DGKB: variants seen among roughly 807,000 people sequenced by gnomAD.
The protein encoded by DGKB is 90 kDa diacylglycerol kinase.
DGKB carries 67 observed loss-of-function variants against 114.3 expected under a neutral mutation model. That is an observed-to-expected ratio of 0.59 (90% CI 0.48 to 0.72). The LOEUF is 0.72. Among genes scored for constraint, DGKB ranks in the 30% least tolerant of loss-of-function variants. The pLI, the probability that DGKB is intolerant of heterozygous loss-of-function variation, is 0.00. For synonymous variants in DGKB, 398 were observed against 323.1 expected, an observed-to-expected ratio of 1.23 and a Z score of -2.49; for missense variants, 907 against 975.2, an observed-to-expected ratio of 0.93 and a Z score of 0.93.
At chr7:14,641,416 T>G (rs912175213) in intron 13 of DGKB, among the ~76,000 whole-genome samples, 1 of 152,122 alleles carries the variant, frequency 6.6e-6, no homozygotes, top group Admixed American at 6.5e-5. Context: ...TAACTTGATT[T>G]GTAAGTTTTG....
At chr7:14,948,548 G>C (rs898686234) in intron 1 of DGKB, among the ~76,000 whole-genome samples, 1 of 151,864 alleles carries the variant, frequency 6.6e-6, no homozygotes, top group African/African-American at 2.4e-5. Context: ...AGATCTTCCA[G>C]GAATGTGAAG....
At chr7:14,511,951 T>C (rs1356899968) in intron 20 of DGKB, among the ~76,000 whole-genome samples, 1 of 152,168 alleles carries the variant, frequency 6.6e-6, no homozygotes, top group Non-Finnish European at 1.5e-5. Context: ...TGGGTGCATT[T>C]GTGGTATTCC....
chr7:14,911,324 T>C (rs1421940390), intron 1 of DGKB, among the ~76,000 whole-genome samples: 1 of 152,160 alleles, frequency 6.6e-6, no homozygotes, highest in Non-Finnish European at 1.5e-5. Flanking sequence ...AAATAATTGA[T>C]CTTAAGTTAT....
intron 21 of DGKB, among the ~76,000 whole-genome samples, chr7:14,430,387 T>A (rs745340661): frequency 6.6e-6 from 1 of 152,200 alleles, no homozygotes; most frequent in South Asian, 2.1e-4. Context: ...TGTTGAGATA[T>A]AAGTCACAAT....
chr7:14,669,638 T>C (rs1253640899), intron 13 of DGKB, among the ~76,000 whole-genome samples: 1 of 152,186 alleles, frequency 6.6e-6, no homozygotes, highest in African/African-American at 2.4e-5. Flanking sequence ...AGGCATATGA[T>C]TACTGTACAA....
At chr7:14,636,087 C>A (rs1810703146) in intron 13 of DGKB, among the ~76,000 whole-genome samples, 1 of 151,664 alleles carries the variant, frequency 6.6e-6, no homozygotes, top group Non-Finnish European at 1.5e-5. Flanking sequence ...ATCCATTGAT[C>A]TCATGCCAAA....
rs1798807367 is a variant in DGKB at position 14,574,337 on chromosome 7, C to G, written c.1645G>C (p.Asp549His). ...ATGATTTCTGTGCTGTTTTCAATGTCTTTTAGAATTTTCATCAGATTCTCA... is the reference window on the plus strand; with the variant it reads ...ATGATTTCTGTGCTGTTTTCAATGTGTTTTAGAATTTTCATCAGATTCTCA... ...EGENLMKILK[D>H]IENSTEIMLD... The change falls in exon 20 of 26, where the codon GAC (aspartate) becomes CAC (histidine). Residue 549 changes from aspartate (D) to histidine (H), a missense_variant. Physicochemically the swap from Asp to His is moderately conservative, Grantham distance 81. This residue lies in a region of DGKB where 814 missense variants were observed against 856.6 expected (regional missense o/e 0.95). Transcript: ENST00000402815. 1 of 1,612,438 alleles carries G rather than the reference C, an allele frequency of 6.2e-7. No individual in the cohort carries two copies. The highest frequency in any genetic ancestry group is 8.5e-7 in the Non-Finnish European group (1 of 1,179,370).
chr7:14,231,919 T>C (rs926769276), intron 23 of DGKB, among the ~76,000 whole-genome samples: 6 of 152,042 alleles, frequency 3.9e-5, no homozygotes. Flanking sequence ...GTCTTCTATG[T>C]AATGTTTAAC....
chr7:14,858,250 C>T (rs550877846), intron 1 of DGKB, among the ~76,000 whole-genome samples: 10 of 152,276 alleles, frequency 6.6e-5, no homozygotes, highest in South Asian at 6.2e-4. Context: ...AGTATTTCAA[C>T]GTATTTATGT....
chr7:14,149,031 T>G lies in DGKB; in HGVS notation c.*100A>C, dbSNP rs536188663. The G allele has an allele frequency of 9.3e-4, 955 of 1,024,970 alleles. 4 individuals carry two copies. The Middle Eastern group carries it at 0.018, about 20-fold the overall frequency. The allele number at this position is 1,024,970 out of a possible 1,614,324, so 63.5% of individuals were successfully genotyped here. A position where few individuals can be genotyped will look rare whatever the true frequency, so the allele number is the denominator to read the frequency against. ...AACTGTTAAACCACTTCCATGATTT[T>G]GCATGAGCAGGAGACTTGAAATGGT... On this transcript the variant is annotated 3_prime_UTR_variant, in exon 26 of 26. Transcript: ENST00000402815.
intron 20 of DGKB, among the ~76,000 whole-genome samples, chr7:14,495,380 C>G (rs1785154458): frequency 2.0e-5 from 3 of 151,722 alleles, no homozygotes; most frequent in African/African-American, 4.8e-5. Flanking sequence ...TATATAGCCC[C>G]TGCACAACAA....
chr7:14,188,141 AT>A (rs1470726927), intron 23 of DGKB, among the ~76,000 whole-genome samples: 1 of 152,192 alleles, frequency 6.6e-6, no homozygotes, highest in Non-Finnish European at 1.5e-5. Flanking sequence ...ATCTTTTGAA[AT>A]AGCCCAGCCA....
At chr7:14,356,656 G>C (rs112893495) in intron 21 of DGKB, among the ~76,000 whole-genome samples, 2 of 151,902 alleles carry the variant, frequency 1.3e-5, no homozygotes, top group East Asian at 3.9e-4. Flanking sequence ...CACCACGCCC[G>C]GGCTTGCTTC....
intron 23 of DGKB, among the ~76,000 whole-genome samples, chr7:14,297,520 A>G (rs1188135817): frequency 1.3e-5 from 2 of 152,192 alleles, no homozygotes; most frequent in African/African-American, 4.8e-5. Flanking sequence ...CATGCTAAAG[A>G]CACTCAATAA....
chr7:14,613,576 CGTGTGTATGT>C (rs1408223066), intron 15 of DGKB, among the ~76,000 whole-genome samples, 163 bp from the exon 16 acceptor site: 3 of 82,554 alleles, frequency 3.6e-5, no homozygotes, highest in Non-Finnish European at 9.0e-5. Context: ...CGTGTGTGTG[CGTGTGTATGT>C]GTGTGTGGTG....
intron 4 of DGKB, among the ~76,000 whole-genome samples, chr7:14,739,596 T>G (rs1255565671): frequency 6.6e-6 from 1 of 152,192 alleles, no homozygotes; most frequent in Non-Finnish European, 1.5e-5. Flanking sequence ...TTAGCTGAAT[T>G]AAGAAGCAAA....
chr7:14,704,225 G>C (rs1218317493), intron 6 of DGKB, among the ~76,000 whole-genome samples: 2 of 150,656 alleles, frequency 1.3e-5, no homozygotes, highest in Non-Finnish European at 2.9e-5. Context: ...CACGAGGTCA[G>C]GAGATCGAGA....
At chr7:14,482,128 A>T (rs914798040) in intron 20 of DGKB, among the ~76,000 whole-genome samples, 2 of 151,998 alleles carry the variant, frequency 1.3e-5, no homozygotes, top group African/African-American at 4.8e-5. Flanking sequence ...TCATTTTCCT[A>T]TATTAAAATA....
intron 20 of DGKB, among the ~76,000 whole-genome samples, chr7:14,527,499 C>A (rs1376189020): frequency 1.3e-5 from 2 of 151,924 alleles, no homozygotes; most frequent in Admixed American, 6.6e-5. Flanking sequence ...AGCAATTCTG[C>A]AATTATTATA....
Sources: allele counts gnomAD v4.1 joint callset (sites outside exome capture counted in the v4.1 genomes callset), GRCh38; gene constraint gnomAD v4.1.1; regional missense constraint gnomAD v4.1.1; transcripts MANE v1.5; gene names NCBI Gene and HGNC (gene_info 2026-07-23, HGNC 2026-07-21).